Variants in ACP6 observed in about 807,000 individuals in gnomAD.
The protein encoded by ACP6 is acid phosphatase 6, lysophosphatidic.
Under a neutral mutation model 48.1 loss-of-function variants are expected in ACP6, and 48 were observed. That is an observed-to-expected ratio of 1.00 (90% confidence interval 0.79 to 1.27). The LOEUF (loss-of-function observed/expected upper bound fraction) is 1.27, where lower values mean the gene tolerates loss of function less well. Ranked by LOEUF, ACP6 falls within the 50% of genes most tolerant of loss-of-function variation. The probability of loss-of-function intolerance (pLI) is 0.00; values close to 1 mark genes in which losing one functional copy is unlikely to be tolerated. For synonymous variants in ACP6, 172 were observed against 204.2 expected (o/e 0.84, Z 1.34); for missense variants, 485 against 529.1 (o/e 0.92, Z 0.82).
chr1:147,664,391 T>G (rs1553213239), intron 1 of ACP6, among the ~76,000 whole-genome samples: 1 of 152,214 alleles, frequency 6.6e-6, no homozygotes, highest in African/African-American at 2.4e-5. Flanking sequence ...AGTATCATGT[T>G]TCTTATGCCT....
rs587741420 is a variant in ACP6 at position 147,653,018 on chromosome 1, G to A, written c.781-469C>T. ...ATTTTTTTGTATTTTTAGTAGAGACGGGGTTTCACCGTGTTAGCCAGGATG... is the reference window on the plus strand; with the variant it reads ...ATTTTTTTGTATTTTTAGTAGAGACAGGGTTTCACCGTGTTAGCCAGGATG... On this transcript the variant is annotated intron_variant, in intron 6 of 9. Coordinates refer to ENST00000583509, the MANE Select transcript of ACP6 (RefSeq NM_016361.5). Among the ~76,000 whole-genome samples, 34 of 152,378 alleles carry A rather than the reference G, an allele frequency of 2.2e-4. No homozygotes were observed. The East Asian group carries it at 5.8e-3, about 26-fold the overall frequency.
intron 6 of ACP6, 51 bp downstream of exon 6, chr1:147,654,143 G>A (rs1222729425): frequency 6.3e-7 from 1 of 1,598,046 alleles, no homozygotes; most frequent in African/African-American, 1.3e-5. Context: ...TCTAACTCCG[G>A]AGCCAGCCCA....
At chr1:147,632,913 A>G (rs937542361) in intron 5 of ACP6, among the ~76,000 whole-genome samples, 5 of 152,266 alleles carry the variant, frequency 3.3e-5, no homozygotes, top group African/African-American at 1.2e-4. Flanking sequence ...CCAAGACTTC[A>G]TTGGATAATG....
At chr1:147,667,050 A>C (rs1207548358) in intron 1 of ACP6, among the ~76,000 whole-genome samples, 1 of 152,156 alleles carries the variant, frequency 6.6e-6, no homozygotes, top group East Asian at 1.9e-4. Context: ...GCCTGGAAGC[A>C]GTGCCAAATC....
chr1:147,653,928 G>T (rs1553211095), intron 6 of ACP6, among the ~76,000 whole-genome samples: 1 of 152,050 alleles, frequency 6.6e-6, no homozygotes, highest in Admixed American at 6.6e-5. Context: ...GCCCCTGCCT[G>T]CCCAAACACA....
At chr1:147,650,088 G>A in intron 8 of ACP6, 55 bp downstream of exon 8, 1 of 1,520,984 alleles carries the variant, frequency 6.6e-7, no homozygotes, top group African/African-American at 1.4e-5. Context: ...CCTCCCTACA[G>A]CCAGAAGTTC....
intron 5 of ACP6, among the ~76,000 whole-genome samples, chr1:147,636,380 C>G (rs911468005): frequency 6.6e-6 from 1 of 152,180 alleles, no homozygotes; most frequent in African/African-American, 2.4e-5. Flanking sequence ...GCAGGAAGAT[C>G]ACAAGAAGCG....
intron 5 of ACP6, among the ~76,000 whole-genome samples, chr1:147,633,330 C>G (rs1356892909): frequency 2.0e-5 from 3 of 152,144 alleles, no homozygotes; most frequent in Non-Finnish European, 2.9e-5. Flanking sequence ...CCAATGAGAT[C>G]AGGTTTTGAG....
intron 9 of ACP6, 123 bp from the exon 10 acceptor site, chr1:147,647,689 C>T (rs587742777): frequency 7.8e-7 from 1 of 1,288,938 alleles, no homozygotes; most frequent in South Asian, 1.6e-5. Flanking sequence ...ATATTACAGA[C>T]AGGAAGGCCC....
chr1:147,636,159 GGT>G (rs1659294074), intron 5 of ACP6, among the ~76,000 whole-genome samples: 5 of 152,144 alleles, frequency 3.3e-5, no homozygotes, highest in African/African-American at 9.7e-5. Flanking sequence ...TGGGGGAAAG[GGT>G]GTAAATGTGA....
intron 1 of ACP6, 105 bp from the exon 2 acceptor site, chr1:147,659,880 T>G (rs1383366561): frequency 1.2e-5 from 16 of 1,373,376 alleles, no homozygotes; most frequent in Non-Finnish European, 1.6e-5. Context: ...TCACTGACAC[T>G]AGGCCTGCAA....
intron 5 of ACP6, 83 bp downstream of exon 5, chr1:147,655,078 G>C: frequency 1.8e-6 from 2 of 1,134,868 alleles, no homozygotes; most frequent in Non-Finnish European, 2.6e-6. Flanking sequence ...GCCTGGACAG[G>C]CCCTCAGTAT....
chr1:147,639,771 C>T (rs1163352475), downstream of ACP6, among the ~76,000 whole-genome samples: 1 of 152,144 alleles, frequency 6.6e-6, no homozygotes, highest in Non-Finnish European at 1.5e-5. Flanking sequence ...CAGGCCATTT[C>T]CTTACATCTT....
chr1:147,648,657 A>C (rs907119509), intron 8 of ACP6, among the ~76,000 whole-genome samples: 2 of 151,154 alleles, frequency 1.3e-5, no homozygotes, highest in Admixed American at 1.3e-4. Context: ...CCACCTACTC[A>C]CTCCTCCCTG....
intron 7 of ACP6, chr1:147,651,533 G>C (rs1652864068): frequency 6.6e-6 from 1 of 152,068 alleles, no homozygotes; most frequent in African/African-American, 2.4e-5. Context: ...AGGGAAGTAA[G>C]TAACAATTTA....
At chr1:147,658,821 G>A in intron 4 of ACP6, 139 bp downstream of exon 4, 2 of 759,938 alleles carry the variant, frequency 2.6e-6, no homozygotes, top group Non-Finnish European at 4.3e-6. Context: ...AAGACCCACT[G>A]GACTAGGTAC....
intron 5 of ACP6, among the ~76,000 whole-genome samples, chr1:147,632,194 AACACACAC>A (rs71584653): frequency 4.3e-4 from 63 of 146,032 alleles, no homozygotes; most frequent in African/African-American, 1.3e-3. Flanking sequence ...ACCTATGCCC[AACACACAC>A]ACACACACAC....
At chr1:147,669,709 C>A in intron 1 of ACP6, 121 bp downstream of exon 1, 1 of 1,082,078 alleles carries the variant, frequency 9.2e-7, no homozygotes, top group Non-Finnish European at 1.3e-6. Flanking sequence ...TTCCCTTCTT[C>A]TGGACCCAAC....
Position 147,645,945 on chromosome 1 carries a change from T to C in ACP6, c.*1478A>G, listed in dbSNP as rs183160839. The C allele has an allele frequency of 1.3e-5, 2 of 152,266 alleles. No individual in the cohort carries two copies. Among genetic ancestry groups the C allele is most frequent in the South Asian group, 2.1e-4 (1 of 4,820 alleles). 9.4% of individuals were successfully genotyped at this position (152,266 alleles called of 1,614,324 possible). On this transcript the variant is annotated 3_prime_UTR_variant, in exon 10 of 10. Transcript: ENST00000583509. ...CTAGAGGGTTGGGCTTTGATAGGAATAGTGTTGGTTCATTCTTAGTAAGAG... is the reference window on the plus strand; with the variant it reads ...CTAGAGGGTTGGGCTTTGATAGGAACAGTGTTGGTTCATTCTTAGTAAGAG...
Sources: gnomAD v4.1 joint callset for allele counts (sites outside exome capture counted in the v4.1 genomes callset) on GRCh38, gnomAD v4.1.1 for gene constraint, MANE v1.5 for transcripts, NCBI Gene and HGNC (gene_info 2026-07-23, HGNC 2026-07-21) for gene names.